The following PHF21B variants were observed in gnomAD, a reference collection of about 807,000 sequenced individuals.
PHF21B encodes the protein PHD finger protein 4.
A neutral mutation model predicts 62.2 loss-of-function variants in PHF21B; 22 were observed. The ratio of observed to expected loss-of-function variants is 0.35; its 90% CI spans 0.25 to 0.51. The LOEUF is 0.51. PHF21B is among the 20% of genes least tolerant of loss of function. PHF21B has a pLI of 0.97. For missense variants in PHF21B, 701 were observed against 707.9 expected (o/e 0.99, Z 0.11); for synonymous variants, 341 against 314.7 (o/e 1.08, Z -0.88).
At chr22:44,997,890 C>T (rs1569283036) in intron 2 of PHF21B, among the ~76,000 whole-genome samples, 2 of 152,330 alleles carry the variant, frequency 1.3e-5, no homozygotes, top group South Asian at 2.1e-4. Context: ...AACGGAGGCC[C>T]GCCCTTCCAA....
chr22:44,971,422 T>A (rs766889190), intron 2 of PHF21B: 3 of 152,164 alleles, frequency 2.0e-5, no homozygotes, highest in Admixed American at 6.6e-5. Flanking sequence ...AAGGAGTGCA[T>A]CCGAGACCAC....
chr22:44,900,236 C>T (rs1193581938), intron 5 of PHF21B, among the ~76,000 whole-genome samples: 17 of 152,166 alleles, frequency 1.1e-4, no homozygotes, highest in Admixed American at 9.8e-4. Context: ...ACCAAAGTTT[C>T]CCCATGTCTC....
At position 44,912,878 on chromosome 22, in the gene PHF21B, CAAA is replaced by C. The variant is rs3087031; in HGVS notation, c.831+941_831+943del. 9.4e-4 allele frequency among the ~76,000 whole-genome samples: 43 copies of C among 45,600 alleles called. 1 individual carries two copies. Among genetic ancestry groups the C allele is most frequent in the Admixed American group, 7.5e-3 (24 of 3,200 alleles). The allele number at this position is 45,600 out of a possible 152,430, so 29.9% of individuals were successfully genotyped here. A position where few individuals can be genotyped will look rare whatever the true frequency, so the allele number is the denominator to read the frequency against. On this transcript the variant is annotated intron_variant, in intron 5 of 12. Transcript: ENST00000313237. ...TGGCTCAAAGAGTCAGACTCTATCT[CAAA>C]AAAAAAAAAAAAAAAAGACAAAAAG... is the stretch of plus-strand genomic sequence containing the variant.
chr22:44,896,883 T>TTTTTTTTTGTTTG (rs1555933182), intron 5 of PHF21B, among the ~76,000 whole-genome samples: 1 of 132,322 alleles, frequency 7.6e-6, no homozygotes, highest in Non-Finnish European at 1.6e-5. Context: ...TTTATCTGTT[T>TTTTTTTTTGTTTG]TTTTTTTTTT....
chr22:44,912,203 G>A (rs1343217475), intron 5 of PHF21B, among the ~76,000 whole-genome samples: 6 of 152,254 alleles, frequency 3.9e-5, no homozygotes, highest in Admixed American at 2.6e-4. Flanking sequence ...CTCATAGGTG[G>A]AAGGGACTTG....
chr22:44,941,501 G>A (rs1183586988), intron 2 of PHF21B, among the ~76,000 whole-genome samples: 9 of 152,200 alleles, frequency 5.9e-5, no homozygotes, highest in Admixed American at 1.3e-4. Context: ...TAACAGCGGC[G>A]GAGGAGGTGG....
chr22:44,961,861 T>C (rs866173551), intron 2 of PHF21B, among the ~76,000 whole-genome samples: 2,634 of 147,900 alleles, frequency 0.018, 89 homozygotes, highest in African/African-American at 0.061. Context: ...AATAAATAAA[T>C]AAATAAATAA....
chr22:44,993,467 TG>T (rs1428486214), intron 2 of PHF21B, among the ~76,000 whole-genome samples: 1 of 152,210 alleles, frequency 6.6e-6, no homozygotes, highest in Non-Finnish European at 1.5e-5. Context: ...GCCTAGAGGA[TG>T]GGGAGGCTGA....
intron 2 of PHF21B, among the ~76,000 whole-genome samples, chr22:44,986,318 CACG>C (rs1449431576): frequency 1.3e-5 from 2 of 150,796 alleles, no homozygotes; most frequent in Non-Finnish European, 3.0e-5. Flanking sequence ...TCACCATTAT[CACG>C]ACAACCATCA....
chr22:44,932,010 A>C (rs2041272607), intron 2 of PHF21B, among the ~76,000 whole-genome samples: 1 of 152,190 alleles, frequency 6.6e-6, no homozygotes, highest in Admixed American at 6.5e-5. Flanking sequence ...CCCAGGAAGG[A>C]AGGAAGGCAG....
chr22:44,891,440 T>G lies in PHF21B; in HGVS notation c.961-80A>C. 1.2e-5 allele frequency: 19 copies of G among 1,524,154 alleles called. No individual in the cohort carries two copies. The South Asian group carries it at 2.2e-4, about 18-fold the overall frequency. 94.4% of individuals were successfully genotyped at this position (1,524,154 alleles called of 1,614,324 possible). On this transcript the variant is annotated intron_variant, in intron 7 of 12. Coordinates refer to ENST00000313237, the MANE Select transcript of PHF21B (RefSeq NM_138415.5). ...TGGTGACGTCACCCCAGGTCAGGAC[T>G]CTCTCTGGGACAGGGTTCCCACCCA...
chr22:44,968,900 C>T (rs1277256825), intron 2 of PHF21B: 1 of 152,158 alleles, frequency 6.6e-6, no homozygotes, highest in South Asian at 2.1e-4. Flanking sequence ...GACTTTGTAG[C>T]TCAAACTGCT....
intron 2 of PHF21B, among the ~76,000 whole-genome samples, chr22:44,967,699 T>G (rs2072555924): frequency 6.6e-6 from 1 of 152,200 alleles, no homozygotes; most frequent in African/African-American, 2.4e-5. Flanking sequence ...GCACACAGTT[T>G]GTTAACTGAA....
chr22:44,894,066 A>G (rs1188312752), intron 6 of PHF21B, among the ~76,000 whole-genome samples: 1 of 152,168 alleles, frequency 6.6e-6, no homozygotes, highest in Admixed American at 6.5e-5. Context: ...TTTGACCCCC[A>G]GGCAGGACCC....
chr22:44,961,090 G>A (rs2072410559), intron 2 of PHF21B, among the ~76,000 whole-genome samples: 1 of 150,986 alleles, frequency 6.6e-6, no homozygotes, highest in South Asian at 2.1e-4. Context: ...CCGAGTAGCT[G>A]GGATTACAGG....
intron 2 of PHF21B, among the ~76,000 whole-genome samples, chr22:44,936,214 G>A (rs1169095384): frequency 1.3e-5 from 2 of 152,210 alleles, no homozygotes; most frequent in Non-Finnish European, 2.9e-5. Context: ...CGGGGCTGTG[G>A]GGTCCGCCTT....
intron 2 of PHF21B, among the ~76,000 whole-genome samples, chr22:44,937,876 C>G (rs1055136532): frequency 6.6e-6 from 1 of 152,268 alleles, no homozygotes; most frequent in Admixed American, 6.5e-5. Flanking sequence ...AGCAGCAAAA[C>G]TAATCCCTGG....
In PHF21B at chr22:44,916,223, C is replaced by G; in HGVS notation, c.564+57G>C. The G allele has an allele frequency of 2.0e-6, 3 of 1,514,544 alleles. No homozygotes were observed. In the South Asian group the frequency reaches 3.6e-5, roughly 18 times the overall value. The allele number at this position is 1,514,544 out of a possible 1,614,324, so 93.8% of individuals were successfully genotyped here. A position where few individuals can be genotyped will look rare whatever the true frequency, so the allele number is the denominator to read the frequency against. On this transcript the variant is annotated intron_variant, in intron 4 of 12. Coordinates refer to ENST00000313237, the MANE Select transcript of PHF21B (RefSeq NM_138415.5). Reference sequence around the variant, plus strand: ...ATTTGGCCCTTCCCAAATGATTGCTCTCGGCCTCCTGTATGCGGCCGCACA... The same window carrying G: ...ATTTGGCCCTTCCCAAATGATTGCTGTCGGCCTCCTGTATGCGGCCGCACA...
At chr22:44,893,350 G>A (rs776202721) in intron 7 of PHF21B, 107 bp downstream of exon 7, 32 of 1,045,472 alleles carry the variant, frequency 3.1e-5, no homozygotes, top group Admixed American at 4.2e-5. Flanking sequence ...GGACAGACGA[G>A]GGGGGTGCTT....
Sources: gnomAD v4.1 joint callset for allele counts (sites outside exome capture counted in the v4.1 genomes callset) on GRCh38, gnomAD v4.1.1 for gene constraint, MANE v1.5 for transcripts, NCBI Gene and HGNC (gene_info 2026-07-23, HGNC 2026-07-21) for gene names.